Variants in FHL5 observed in about 807,000 individuals in gnomAD.
FHL5 encodes the protein four and a half LIM domains 5.
Under a neutral mutation model 32.0 loss-of-function variants are expected in FHL5, and 33 were observed. That is an observed-to-expected ratio of 1.03 (90% CI 0.78 to 1.38). The LOEUF is 1.38. Among genes scored for constraint, FHL5 ranks in the 40% most tolerant of loss-of-function variants. The pLI is 0.00. For synonymous variants in FHL5, 114 were observed against 113.6 expected, an observed-to-expected ratio of 1.00 and a Z score of -0.02; for missense variants, 336 against 343.9, an observed-to-expected ratio of 0.98 and a Z score of 0.18.
chr6:96,615,656 A>T lies in FHL5; in HGVS notation c.739A>T (p.Ser247Cys). Residue 247 changes from serine (S) to cysteine (C), a missense_variant, in exon 6 of 6, where the codon AGC becomes TGC. Transcript: ENST00000450218. The stretch of plus-strand genomic sequence containing the variant: ...CTGCTTTCAAGACAGCCAGTGGCAT[A>T]GCGAATGCTTTAACTGCGGGAAATG... ...FICFQDSQWH[S>C]ECFNCGKCSV... 2 of 1,613,242 alleles carry T rather than the reference A, an allele frequency of 1.2e-6. No individual in the cohort carries two copies. The highest frequency in any genetic ancestry group is 8.5e-7 in the Non-Finnish European group (1 of 1,179,620).
At chr6:96,592,640 T>C (rs975162371) in intron 1 of FHL5, among the ~76,000 whole-genome samples, 11 of 152,050 alleles carry the variant, frequency 7.2e-5, no homozygotes, top group Admixed American at 3.3e-4. Flanking sequence ...GTCCAAGAAA[T>C]CTTCACAATT....
intron 1 of FHL5, among the ~76,000 whole-genome samples, chr6:96,589,645 T>A (rs1770874652): frequency 6.6e-6 from 1 of 152,058 alleles, no homozygotes; most frequent in South Asian, 2.1e-4. Context: ...CTCTTATTTG[T>A]GTTTTTTGAG....
Position 96,617,211 on chromosome 6 carries a change from T to C in FHL5, c.*1439T>C, listed in dbSNP as rs1422825097. On this transcript the variant is annotated 3_prime_UTR_variant, in exon 6 of 6. Coordinates refer to ENST00000450218, the MANE Select transcript of FHL5 (RefSeq NM_001322466.2). The stretch of plus-strand genomic sequence containing the variant: ...CCATGATCTGTTTTCACATTGGTTA[T>C]AGCATCTCTTGGATGGAGTAGAGGG... Among the ~76,000 whole-genome samples the C allele has an allele frequency of 6.6e-6, 1 of 152,214 alleles. No individual in the cohort carries two copies. Among genetic ancestry groups the C allele is most frequent in the Admixed American group, 6.5e-5 (1 of 15,284 alleles).
intron 1 of FHL5, among the ~76,000 whole-genome samples, chr6:96,572,207 G>C (rs990314800): frequency 6.6e-5 from 10 of 152,144 alleles, no homozygotes; most frequent in Non-Finnish European, 2.9e-5. Flanking sequence ...CTGTTTTCTT[G>C]GGATGCGGGG....
intron 4 of FHL5, among the ~76,000 whole-genome samples, chr6:96,610,190 T>A (rs1439110863): frequency 2.6e-5 from 4 of 152,128 alleles, no homozygotes; most frequent in Admixed American, 2.0e-4. Flanking sequence ...TTCAGAGAAG[T>A]ATGAGGAAGT....
intron 5 of FHL5, among the ~76,000 whole-genome samples, chr6:96,612,992 C>T (rs1771443187): frequency 6.6e-6 from 1 of 152,044 alleles, no homozygotes. Context: ...AAAGGATACA[C>T]AATTTCAGTT....
intron 1 of FHL5, among the ~76,000 whole-genome samples, chr6:96,572,806 C>G (rs999072820): frequency 6.6e-6 from 1 of 152,202 alleles, no homozygotes; most frequent in African/African-American, 2.4e-5. Context: ...GAAGTTCCTC[C>G]TGGCTTCCAG....
At chr6:96,604,359 T>A (rs1235433862) in intron 2 of FHL5, among the ~76,000 whole-genome samples, 1 of 152,012 alleles carries the variant, frequency 6.6e-6, no homozygotes, top group Non-Finnish European at 1.5e-5. Flanking sequence ...TTTCTGCCTT[T>A]GTTTTACTTA....
chr6:96,585,946 A>G (rs1770788497), intron 1 of FHL5, among the ~76,000 whole-genome samples: 1 of 152,200 alleles, frequency 6.6e-6, no homozygotes, highest in Non-Finnish European at 1.5e-5. Flanking sequence ...ACTTGTGCAT[A>G]TTGTAAACAT....
chr6:96,613,065 A>T (rs914362691), intron 5 of FHL5, among the ~76,000 whole-genome samples: 2 of 152,218 alleles, frequency 1.3e-5, no homozygotes, highest in African/African-American at 2.4e-5. Context: ...ACAACTATGT[A>T]TTATATACTT....
Position 96,597,438 on chromosome 6 carries a change from G to A in FHL5, c.-12-6164G>A, listed in dbSNP as rs183845692. Among the ~76,000 whole-genome samples the A allele has an allele frequency of 2.4e-3, 363 of 152,100 alleles. 2 individuals carry two copies. Among genetic ancestry groups the A allele is most frequent in the African/African-American group, 8.4e-3 (347 of 41,498 alleles). ...GGCCACATGTTGAAAAATGAGTTTCGAATTGATTTCCTGTTTATGGTATAT... is the reference window on the plus strand; with the variant it reads ...GGCCACATGTTGAAAAATGAGTTTCAAATTGATTTCCTGTTTATGGTATAT... On this transcript the variant is annotated intron_variant, in intron 1 of 5. Coordinates refer to ENST00000450218, the MANE Select transcript of FHL5 (RefSeq NM_001322466.2).
chr6:96,602,684 C>T (rs977833186), intron 1 of FHL5, among the ~76,000 whole-genome samples: 2 of 151,866 alleles, frequency 1.3e-5, no homozygotes, highest in Admixed American at 1.3e-4. Context: ...CTTTTTTATT[C>T]ATCTTACAGA....
At chr6:96,592,016 G>A (rs914226289) in intron 1 of FHL5, among the ~76,000 whole-genome samples, 8 of 152,108 alleles carry the variant, frequency 5.3e-5, no homozygotes, top group Non-Finnish European at 8.8e-5. Flanking sequence ...GAGGCAGGGC[G>A]AGATCACAGG....
chr6:96,592,015 C>T (rs138689779), intron 1 of FHL5, among the ~76,000 whole-genome samples: 12 of 152,096 alleles, frequency 7.9e-5, no homozygotes, highest in East Asian at 3.9e-4. Flanking sequence ...GGAGGCAGGG[C>T]GAGATCACAG....
intron 1 of FHL5, among the ~76,000 whole-genome samples, chr6:96,575,938 G>A (rs903929023): frequency 1.3e-5 from 2 of 152,188 alleles, no homozygotes; most frequent in Non-Finnish European, 2.9e-5. Context: ...GCTCTGACAT[G>A]TAAAAAGAAC....
At chr6:96,608,728 C>T (rs1771336922) in intron 4 of FHL5, among the ~76,000 whole-genome samples, 1 of 152,144 alleles carries the variant, frequency 6.6e-6, no homozygotes, top group Non-Finnish European at 1.5e-5. Context: ...TTTCACAGAA[C>T]AAACTTGTTC....
chr6:96,598,127 T>C (rs1436064922), intron 1 of FHL5, among the ~76,000 whole-genome samples: 3 of 152,162 alleles, frequency 2.0e-5, no homozygotes, highest in African/African-American at 7.2e-5. Context: ...CCCATTCTGC[T>C]GGTGACCTAG....
At chr6:96,570,894 A>T (rs1770462239) in intron 1 of FHL5, among the ~76,000 whole-genome samples, 2 of 151,360 alleles carry the variant, frequency 1.3e-5, no homozygotes, top group African/African-American at 2.4e-5. Context: ...TATATTGTGA[A>T]TTTTTTTCTT....
chr6:96,577,361 T>A (rs1770604694), intron 1 of FHL5, among the ~76,000 whole-genome samples: 1 of 151,524 alleles, frequency 6.6e-6, no homozygotes, highest in Non-Finnish European at 1.5e-5. Context: ...CAACCCCAAC[T>A]CAAACACCCC....
Sources: gnomAD v4.1 joint callset for allele counts (sites outside exome capture counted in the v4.1 genomes callset) on GRCh38, gnomAD v4.1.1 for gene constraint, MANE v1.5 for transcripts, NCBI Gene and HGNC (gene_info 2026-07-23, HGNC 2026-07-21) for gene names.